CTNND2: variants seen among roughly 807,000 people sequenced by gnomAD.
CTNND2 encodes the protein catenin delta-2.
A neutral mutation model predicts 144.4 loss-of-function variants in CTNND2; 22 were observed. The observed-to-expected ratio is 0.15, with a 90% CI of 0.11 to 0.22. The LOEUF is 0.22. Among genes scored for constraint, CTNND2 ranks in the 10% least tolerant of loss-of-function variants. The pLI is 1.00. For missense variants in CTNND2, 1,353 were observed against 1,618.8 expected (o/e 0.84, Z 2.82); for synonymous variants, 751 against 695.6 (o/e 1.08, Z -1.25).
At chr5:11,623,804 G>GTGTGTATA (rs1780993821) in intron 2 of CTNND2, among the ~76,000 whole-genome samples, 1 of 30,638 alleles carries the variant, frequency 3.3e-5, no homozygotes, top group Non-Finnish European at 6.1e-5. Context: ...ATATATGTGT[G>GTGTGTATA]TATGTATATA....
At chr5:11,229,056 A>G (rs1199726524) in intron 10 of CTNND2, among the ~76,000 whole-genome samples, 1 of 152,222 alleles carries the variant, frequency 6.6e-6, no homozygotes, top group Non-Finnish European at 1.5e-5. Context: ...CATATATAAG[A>G]CAGCTGAAGC....
chr5:11,645,856 ATTTAT>A (rs1782316041), intron 2 of CTNND2, among the ~76,000 whole-genome samples: 1 of 152,190 alleles, frequency 6.6e-6, no homozygotes, highest in Non-Finnish European at 1.5e-5. Context: ...CTATATTAAT[ATTTAT>A]TTTATGAAAA....
chr5:11,888,421 C>T (rs1270690862), intron 1 of CTNND2, among the ~76,000 whole-genome samples: 2 of 152,128 alleles, frequency 1.3e-5, no homozygotes, highest in African/African-American at 4.8e-5. Context: ...TAATTCTTTC[C>T]AGCCTTGCCA....
At chr5:11,218,064 CTCCT>C (rs1739389174) in intron 10 of CTNND2, among the ~76,000 whole-genome samples, 1 of 150,216 alleles carries the variant, frequency 6.7e-6, no homozygotes, top group Admixed American at 6.7e-5. Context: ...TCCCTTCTTC[CTCCT>C]TCCTTCCTTT....
chr5:11,135,017 G>T (rs1477445990), intron 12 of CTNND2, among the ~76,000 whole-genome samples: 2 of 152,214 alleles, frequency 1.3e-5, no homozygotes, highest in Non-Finnish European at 2.9e-5. Flanking sequence ...TGCGCTAAGT[G>T]CTGCAATCAA....
At chr5:11,399,699 A>G (rs1760463968) in intron 5 of CTNND2, among the ~76,000 whole-genome samples, 2 of 152,228 alleles carry the variant, frequency 1.3e-5, no homozygotes, top group Admixed American at 1.3e-4. Context: ...ATGAAAAGTA[A>G]CCAGGATTTT....
At chr5:11,129,260 T>A (rs1406750502) in intron 12 of CTNND2, among the ~76,000 whole-genome samples, 5 of 49,142 alleles carry the variant, frequency 1.0e-4, no homozygotes, top group African/African-American at 5.1e-4. Context: ...TATAAAAATA[T>A]AAATATATAA....
At chr5:11,658,600 C>T (rs1783029341) in intron 2 of CTNND2, among the ~76,000 whole-genome samples, 1 of 152,124 alleles carries the variant, frequency 6.6e-6, no homozygotes, top group African/African-American at 2.4e-5. Flanking sequence ...AAAAAACTGA[C>T]ATCCCTCATC....
intron 5 of CTNND2, among the ~76,000 whole-genome samples, chr5:11,401,432 G>A (rs541302231): frequency 5.9e-5 from 9 of 152,196 alleles, no homozygotes; most frequent in East Asian, 3.9e-4. Context: ...TGGCATTCCC[G>A]AGTTATTCTA....
At chr5:11,070,966 G>A (rs1440896490) in intron 16 of CTNND2, among the ~76,000 whole-genome samples, 1 of 151,800 alleles carries the variant, frequency 6.6e-6, no homozygotes, top group African/African-American at 2.4e-5. Context: ...GTGCGTAGGG[G>A]AGGGGAGGGA....
chr5:11,154,889 A>C (rs575857976), intron 12 of CTNND2, among the ~76,000 whole-genome samples: 1 of 152,310 alleles, frequency 6.6e-6, no homozygotes, highest in African/African-American at 2.4e-5. Flanking sequence ...TTGTCTTCAC[A>C]AGGCCTTCTT....
intron 1 of CTNND2, among the ~76,000 whole-genome samples, chr5:11,823,650 AT>A (rs1793442789): frequency 6.6e-6 from 1 of 152,166 alleles, no homozygotes; most frequent in South Asian, 2.1e-4. Flanking sequence ...ATGTTCTCAC[AT>A]TAGTAAATTT....
At chr5:11,144,407 A>C (rs1314628240) in intron 12 of CTNND2, among the ~76,000 whole-genome samples, 1 of 152,014 alleles carries the variant, frequency 6.6e-6, no homozygotes, top group Non-Finnish European at 1.5e-5. Flanking sequence ...AAGTGGCTTG[A>C]GCTCCCACTG....
chr5:11,854,174 C>G (rs1363804604), intron 1 of CTNND2, among the ~76,000 whole-genome samples: 1 of 152,216 alleles, frequency 6.6e-6, no homozygotes, highest in East Asian at 1.9e-4. Flanking sequence ...CTCTCTGGGC[C>G]TGGACCCGTC....
chr5:11,563,231 A>C (rs970716070), intron 3 of CTNND2, among the ~76,000 whole-genome samples: 7 of 152,206 alleles, frequency 4.6e-5, no homozygotes, highest in Non-Finnish European at 8.8e-5. Flanking sequence ...ACATGGGAAA[A>C]TGTCACACAG....
In CTNND2 at chr5:11,475,825, T is replaced by C. The variant is rs1167688617; in HGVS notation, c.288-63756A>G. 2.0e-5 allele frequency among the ~76,000 whole-genome samples: 3 copies of C among 152,276 alleles called. No homozygotes were observed. In the East Asian group the frequency reaches 5.8e-4, roughly 29 times the overall value. ...CCTGGATGGACTCTTACCAGATGAT[T>C]CTGGGGACTAATTTACTAGTTTTGT... On this transcript the variant is annotated intron_variant, in intron 3 of 21. Coordinates refer to ENST00000304623, the MANE Select transcript of CTNND2 (RefSeq NM_001332.4).
intron 1 of CTNND2, among the ~76,000 whole-genome samples, chr5:11,871,686 C>A (rs1735138409): frequency 6.6e-6 from 1 of 152,104 alleles, no homozygotes; most frequent in Non-Finnish European, 1.5e-5. Flanking sequence ...ATTTTTGTCT[C>A]TAAATAATCT....
chr5:11,225,231 T>C (rs989546315), intron 10 of CTNND2, among the ~76,000 whole-genome samples: 2 of 152,216 alleles, frequency 1.3e-5, no homozygotes, highest in Non-Finnish European at 2.9e-5. Context: ...GGACGCATGT[T>C]CTAAGTCAGC....
chr5:11,367,687 A>G (rs992241595), intron 7 of CTNND2, among the ~76,000 whole-genome samples: 2 of 152,218 alleles, frequency 1.3e-5, no homozygotes, highest in Admixed American at 1.3e-4. Flanking sequence ...AATGTTATAG[A>G]TGTCAAGGCC....
Sources: allele counts gnomAD v4.1 joint callset (sites outside exome capture counted in the v4.1 genomes callset), GRCh38; gene constraint gnomAD v4.1.1; transcripts MANE v1.5; gene names NCBI Gene and HGNC (gene_info 2026-07-23, HGNC 2026-07-21).